Variants in SORCS2 observed in about 807,000 individuals in gnomAD.
The protein encoded by SORCS2 is sortilin related VPS10 domain containing receptor 2, also known as VPS10 domain-containing receptor SorCS2.
Under a neutral mutation model 141.6 loss-of-function variants are expected in SORCS2, and 100 were observed. The ratio of observed to expected loss-of-function variants is 0.71; its 90% CI spans 0.60 to 0.83. The LOEUF (loss-of-function observed/expected upper bound fraction) is 0.83. Among genes scored for constraint, SORCS2 ranks in the 40% least tolerant of loss-of-function variants. The pLI is 0.00. For missense variants in SORCS2, 1,646 were observed against 1,560.2 expected (o/e 1.05, Z -0.93); for synonymous variants, 789 against 676.9 (o/e 1.17, Z -2.57).
chr4:7,641,435 T>C (rs1409886862), intron 4 of SORCS2, among the ~76,000 whole-genome samples: 4 of 152,174 alleles, frequency 2.6e-5, no homozygotes, highest in East Asian at 1.9e-4. Context: ...TGGGGGAAAC[T>C]GCCCCATGAT....
In SORCS2 at chr4:7,232,701, G is replaced by A. The variant is rs539305544; in HGVS notation, c.480+39575G>A. Among the ~76,000 whole-genome samples, 153 of 152,294 alleles carry A rather than the reference G, an allele frequency of 1.0e-3. 1 individual carries two copies. The highest frequency in any genetic ancestry group is 3.4e-3 in the African/African-American group (143 of 41,564). On this transcript the variant is annotated intron_variant, in intron 1 of 26. Coordinates refer to ENST00000507866, the MANE Select transcript of SORCS2 (RefSeq NM_020777.3). ...GTGAGGGATGCCACACTGTGTCGAT[G>A]CGTGCCCCTCCCGCACCCTGCTGGG...
chr4:7,301,487 A>G (rs1353643826), intron 1 of SORCS2, among the ~76,000 whole-genome samples: 2 of 152,222 alleles, frequency 1.3e-5, no homozygotes, highest in Non-Finnish European at 2.9e-5. Flanking sequence ...TATGCACCAG[A>G]GAACTCAGTC....
At chr4:7,384,117 A>G (rs555289740) in intron 1 of SORCS2, among the ~76,000 whole-genome samples, 38 of 152,288 alleles carry the variant, frequency 2.5e-4, no homozygotes, top group African/African-American at 8.9e-4. Flanking sequence ...TTCCTCCCAC[A>G]GTCCCTGCAG....
chr4:7,272,025 C>G (rs934352942), intron 1 of SORCS2, among the ~76,000 whole-genome samples: 1 of 152,184 alleles, frequency 6.6e-6, no homozygotes. Context: ...TGTGTGTGCA[C>G]ACTCACATGC....
At chr4:7,624,038 T>C (rs1719372271) in intron 3 of SORCS2, among the ~76,000 whole-genome samples, 1 of 152,162 alleles carries the variant, frequency 6.6e-6, no homozygotes, top group Non-Finnish European at 1.5e-5. Context: ...AACTACTTCA[T>C]CAGAGGGTGG....
chr4:7,736,676 G>T (rs1712205256), intron 25 of SORCS2, among the ~76,000 whole-genome samples: 1 of 152,208 alleles, frequency 6.6e-6, no homozygotes, highest in Non-Finnish European at 1.5e-5. Flanking sequence ...AGCTGGGCCG[G>T]CTCGTGCCTC....
At chr4:7,640,225 A>AGT (rs1720609820) in intron 4 of SORCS2, among the ~76,000 whole-genome samples, 1 of 106,280 alleles carries the variant, frequency 9.4e-6, no homozygotes, top group Admixed American at 9.1e-5. Flanking sequence ...GGTGTGTATG[A>AGT]GCGTGTGTGT....
chr4:7,634,228 G>A (rs186673490), intron 3 of SORCS2, among the ~76,000 whole-genome samples: 1 of 152,338 alleles, frequency 6.6e-6, no homozygotes, highest in East Asian at 1.9e-4. Context: ...ACAAAAATTA[G>A]CCAGGCATGG....
intron 11 of SORCS2, among the ~76,000 whole-genome samples, chr4:7,692,398 G>C (rs1724313692): frequency 6.6e-6 from 1 of 152,210 alleles, no homozygotes; most frequent in Non-Finnish European, 1.5e-5. Context: ...GTAGGACTCT[G>C]AGATTTCACT....
chr4:7,354,886 T>G (rs930460354), intron 1 of SORCS2, among the ~76,000 whole-genome samples: 1 of 152,166 alleles, frequency 6.6e-6, no homozygotes, highest in Non-Finnish European at 1.5e-5. Context: ...ATAAGGAAGG[T>G]TTATCCATGG....
intron 2 of SORCS2, among the ~76,000 whole-genome samples, chr4:7,397,561 G>A (rs896540485): frequency 6.6e-6 from 1 of 152,018 alleles, no homozygotes; most frequent in Non-Finnish European, 1.5e-5. Context: ...CCTGTGTAGA[G>A]GACAGATGTT....
At position 7,654,336 on chromosome 4, in the gene SORCS2, G is replaced by T. The variant is rs531257635; in HGVS notation, c.887+129G>T. ...TGGACCCTCCCCATCCCGGGGCTGG[G>T]TCCCCACCGTCCACTGCCTCTGCCT... On this transcript the variant is annotated intron_variant, in intron 5 of 26. Coordinates refer to ENST00000507866, the MANE Select transcript of SORCS2 (RefSeq NM_020777.3). 1.0e-4 allele frequency: 92 copies of T among 897,126 alleles called. No individual in the cohort carries two copies. In the African/African-American group the frequency reaches 1.4e-3, roughly 14 times the overall value. The allele number at this position is 897,126 out of a possible 1,614,324, so 55.6% of individuals were successfully genotyped here.
chr4:7,280,147 G>A (rs1370270318), intron 1 of SORCS2, among the ~76,000 whole-genome samples: 2 of 152,104 alleles, frequency 1.3e-5, no homozygotes, highest in Non-Finnish European at 2.9e-5. Flanking sequence ...GGACAAAAGA[G>A]TCAAGACTCA....
At chr4:7,271,664 G>T (rs552457786) in intron 1 of SORCS2, among the ~76,000 whole-genome samples, 2 of 152,234 alleles carry the variant, frequency 1.3e-5, no homozygotes, top group Non-Finnish European at 2.9e-5. Context: ...GGAGGGGTGC[G>T]TTTGCTGTGG....
At chr4:7,470,473 T>C (rs1280668930) in intron 2 of SORCS2, among the ~76,000 whole-genome samples, 1 of 152,228 alleles carries the variant, frequency 6.6e-6, no homozygotes, top group Non-Finnish European at 1.5e-5. Context: ...GATGGACAGC[T>C]GCATGGGTTC....
rs544098968 is a variant in SORCS2 at position 7,437,292 on chromosome 4, T to A, written c.548+40937T>A. Among the ~76,000 whole-genome samples, 81 of 152,290 alleles carry A rather than the reference T, an allele frequency of 5.3e-4. No individual in the cohort carries two copies. The Middle Eastern group carries it at 0.041, about 77-fold the overall frequency. The stretch of plus-strand genomic sequence containing the variant: ...ACTCAGGAGACCGTTTGCTTACATT[T>A]CTTATTTATCATGAAAGATATGACT... On this transcript the variant is annotated intron_variant, in intron 2 of 26. Coordinates refer to ENST00000507866, the MANE Select transcript of SORCS2 (RefSeq NM_020777.3).
intron 2 of SORCS2, among the ~76,000 whole-genome samples, chr4:7,525,789 G>A (rs1224912131): frequency 1.1e-5 from 1 of 92,634 alleles, no homozygotes. Flanking sequence ...GCAGTCACCT[G>A]TCCCCTCCTC....
intron 2 of SORCS2, among the ~76,000 whole-genome samples, chr4:7,521,577 C>T (rs1038545581): frequency 4.6e-5 from 7 of 152,178 alleles, no homozygotes; most frequent in African/African-American, 1.2e-4. Context: ...GGGTCCTGGG[C>T]GCCACAGCGG....
At chr4:7,680,563 C>A (rs1305915070) in intron 9 of SORCS2, among the ~76,000 whole-genome samples, 1 of 152,256 alleles carries the variant, frequency 6.6e-6, no homozygotes, top group Non-Finnish European at 1.5e-5. Flanking sequence ...CCAACAGGAC[C>A]ATTGATGAAG....
Sources: allele counts gnomAD v4.1 joint callset (sites outside exome capture counted in the v4.1 genomes callset), GRCh38; gene constraint gnomAD v4.1.1; transcripts MANE v1.5; gene names NCBI Gene and HGNC (gene_info 2026-07-23, HGNC 2026-07-21).